The following MYO1B variants were observed in gnomAD, a reference collection of about 807,000 sequenced individuals.
MYO1B encodes myosin IB, also known as unconventional myosin-Ib.
MYO1B carries 72 observed loss-of-function variants against 159.7 expected under a neutral mutation model. The observed-to-expected ratio is 0.45, with a 90% CI of 0.37 to 0.55. The LOEUF (loss-of-function observed/expected upper bound fraction) is 0.55, where lower values mean the gene tolerates loss of function less well. Ranked by LOEUF, MYO1B falls within the 20% of genes least tolerant of loss-of-function variation. MYO1B has a pLI of 0.00. For synonymous variants in MYO1B, 468 were observed against 473.8 expected, an observed-to-expected ratio of 0.99 and a Z score of 0.16; for missense variants, 1,062 against 1,364.8, an observed-to-expected ratio of 0.78 and a Z score of 3.50.
In MYO1B at chr2:191,298,310, C is replaced by T. The variant is rs570184123; in HGVS notation, c.251+2084C>T. ...TTGCAAGTGTTCTTGTTTCATTTTG[C>T]CTTAAGACAAATAATATCTGAAATT... is the stretch of plus-strand genomic sequence containing the variant. On this transcript the variant is annotated intron_variant, in intron 3 of 30. Coordinates refer to ENST00000392318, the MANE Select transcript of MYO1B (RefSeq NM_001130158.3). 6.0e-4 allele frequency among the ~76,000 whole-genome samples: 91 copies of T among 152,092 alleles called. 6 individuals are homozygous for T. Among genetic ancestry groups the T allele is most frequent in the Non-Finnish European group, 1.3e-4 (9 of 68,008 alleles).
chr2:191,247,713 C>A lies in MYO1B; in HGVS notation c.-10+2087C>A, dbSNP rs531039365. Reference sequence around the variant, plus strand: ...TATAAAATACAACACGATTGAATTCCTCTCAAGTACTCATTGTTCTATACA... The same window carrying A: ...TATAAAATACAACACGATTGAATTCATCTCAAGTACTCATTGTTCTATACA... On this transcript the variant is annotated intron_variant, in intron 1 of 30. Coordinates refer to ENST00000392318, the MANE Select transcript of MYO1B (RefSeq NM_001130158.3). Among the ~76,000 whole-genome samples the A allele has an allele frequency of 3.3e-5, 5 of 152,216 alleles. No homozygotes were observed. The South Asian group carries it at 1.0e-3, about 32-fold the overall frequency.
chr2:191,303,226 A>G (rs1689444886), intron 3 of MYO1B, among the ~76,000 whole-genome samples: 1 of 152,144 alleles, frequency 6.6e-6, no homozygotes, highest in South Asian at 2.1e-4. Context: ...TGTGAATTAA[A>G]GCTGTGTTTG....
At chr2:191,399,158 C>T (rs556861071) in intron 21 of MYO1B, among the ~76,000 whole-genome samples, 94 of 152,062 alleles carry the variant, frequency 6.2e-4, no homozygotes, top group African/African-American at 2.1e-3. Context: ...CGCAGGCACT[C>T]GGCAGGCTGA....
chr2:191,286,641 G>A (rs1574340932), intron 2 of MYO1B, among the ~76,000 whole-genome samples: 1 of 152,244 alleles, frequency 6.6e-6, no homozygotes, highest in South Asian at 2.1e-4. Context: ...TGTATACAAA[G>A]ACCATTTTGG....
chr2:191,402,734 C>T lies in MYO1B; in HGVS notation c.2556+16C>T, dbSNP rs777297510. 5.6e-5 allele frequency: 89 copies of T among 1,602,518 alleles called. No individual in the cohort carries two copies. The highest frequency in any genetic ancestry group is 1.7e-4 in the Middle Eastern group (1 of 6,040). On this transcript the variant is annotated intron_variant, in intron 24 of 30. Coordinates refer to ENST00000392318, the MANE Select transcript of MYO1B (RefSeq NM_001130158.3). The stretch of plus-strand genomic sequence containing the variant: ...TGGACTGAAGGTACTTCCTCAACCA[C>T]TTGTTTCTGTCCAGGGTGAACTTCA...
chr2:191,254,349 A>C (rs1382843576), intron 1 of MYO1B, among the ~76,000 whole-genome samples: 2 of 151,952 alleles, frequency 1.3e-5, no homozygotes, highest in African/African-American at 2.4e-5. Flanking sequence ...AGTAGCTGGG[A>C]TTACAGGCAT....
At chr2:191,319,406 G>A (rs2125887948) in intron 3 of MYO1B, among the ~76,000 whole-genome samples, 1 of 152,202 alleles carries the variant, frequency 6.6e-6, no homozygotes, top group African/African-American at 2.4e-5. Flanking sequence ...TCTCTGACGG[G>A]GCTTCTCTCT....
At chr2:191,307,330 G>A (rs1449950934) in intron 3 of MYO1B, among the ~76,000 whole-genome samples, 1 of 152,082 alleles carries the variant, frequency 6.6e-6, no homozygotes, top group East Asian at 1.9e-4. Context: ...GCATGCTAAA[G>A]CATTATAATT....
In MYO1B at chr2:191,369,904, GT is replaced by G. The variant is rs1408906332; in HGVS notation, c.1119+277del. 4.6e-5 allele frequency among the ~76,000 whole-genome samples: 7 copies of G among 152,216 alleles called. No homozygotes were observed. The East Asian group carries it at 1.4e-3, about 29-fold the overall frequency. ...CCCAGGTTTTGGCCTGGCTCACCTG[GT>G]AACTAGTGGTACACACTTTGCTGAA... On this transcript the variant is annotated intron_variant, in intron 12 of 30. Coordinates refer to ENST00000392318, the MANE Select transcript of MYO1B (RefSeq NM_001130158.3).
intron 3 of MYO1B, among the ~76,000 whole-genome samples, chr2:191,325,648 GAAAC>G (rs1467079775): frequency 1.3e-5 from 2 of 152,154 alleles, no homozygotes; most frequent in Non-Finnish European, 2.9e-5. Context: ...CACTTGAGGT[GAAAC>G]AAACCTAGGA....
At chr2:191,253,467 A>C (rs1183219063) in intron 1 of MYO1B, among the ~76,000 whole-genome samples, 2 of 151,780 alleles carry the variant, frequency 1.3e-5, no homozygotes, top group South Asian at 2.1e-4. Flanking sequence ...CCTCTCCCCT[A>C]TCACACTGGC....
chr2:191,369,747 C>G (rs1453090566), intron 12 of MYO1B, 119 bp downstream of exon 12: 9 of 766,464 alleles, frequency 1.2e-5, no homozygotes, highest in Non-Finnish European at 1.7e-5. Context: ...AAAGATTATT[C>G]CTTAAAAAGA....
chr2:191,305,795 TC>T (rs931628717), intron 3 of MYO1B, among the ~76,000 whole-genome samples: 28 of 152,192 alleles, frequency 1.8e-4, no homozygotes, highest in African/African-American at 6.5e-4. Flanking sequence ...AGTGGTGTGG[TC>T]CCCTGGGAAA....
chr2:191,328,383 C>T (rs1055750151), intron 3 of MYO1B, among the ~76,000 whole-genome samples: 1 of 152,200 alleles, frequency 6.6e-6, no homozygotes, highest in African/African-American at 2.4e-5. Flanking sequence ...AGACTGGTTG[C>T]TCTCTGCACC....
intron 11 of MYO1B, among the ~76,000 whole-genome samples, chr2:191,365,561 C>G (rs1025925511): frequency 1.3e-5 from 2 of 152,176 alleles, no homozygotes; most frequent in Non-Finnish European, 2.9e-5. Flanking sequence ...CTGTCCAAGT[C>G]ATCCTCACTA....
intron 3 of MYO1B, among the ~76,000 whole-genome samples, chr2:191,312,299 TCTC>T (rs1690051805): frequency 6.6e-6 from 1 of 152,174 alleles, no homozygotes; most frequent in African/African-American, 2.4e-5. Context: ...TTGCTTCATT[TCTC>T]CTCTTTCACA....
chr2:191,331,281 G>A (rs1036108010), intron 4 of MYO1B, among the ~76,000 whole-genome samples: 1 of 151,648 alleles, frequency 6.6e-6, no homozygotes, highest in Non-Finnish European at 1.5e-5. Flanking sequence ...GTGTCATATT[G>A]TTGAAGGGAT....
In MYO1B at chr2:191,400,691, C is replaced by T. The variant is rs1190651665; in HGVS notation, c.2383-58C>T. 4 of 1,563,988 alleles carry T rather than the reference C, an allele frequency of 2.6e-6. No individual in the cohort carries two copies. In the East Asian group the frequency reaches 6.7e-5, roughly 26 times the overall value. On this transcript the variant is annotated intron_variant, in intron 22 of 30. Coordinates refer to ENST00000392318, the MANE Select transcript of MYO1B (RefSeq NM_001130158.3). ...CTCTTTTTCTTTCTTCATTGAAAACCAGCAGTAACCTTTCCTGCCTTAAAC... is the reference window on the plus strand; with the variant it reads ...CTCTTTTTCTTTCTTCATTGAAAACTAGCAGTAACCTTTCCTGCCTTAAAC...
At chr2:191,382,705 G>A (rs935184194) in intron 14 of MYO1B, among the ~76,000 whole-genome samples, 4 of 152,300 alleles carry the variant, frequency 2.6e-5, no homozygotes, top group African/African-American at 9.6e-5. Context: ...TTATGGATTT[G>A]GCTTTGTAGC....
Sources: allele counts gnomAD v4.1 joint callset (sites outside exome capture counted in the v4.1 genomes callset), GRCh38; gene constraint gnomAD v4.1.1; transcripts MANE v1.5; gene names NCBI Gene and HGNC (gene_info 2026-07-23, HGNC 2026-07-21).